Variants in YY1AP1 observed in about 807,000 individuals in gnomAD.
The protein encoded by YY1AP1 is YY1 associated protein 1, also known as YY1-associated protein 1.
YY1AP1 carries 43 observed loss-of-function variants against 39.9 expected under a neutral mutation model. That is an observed-to-expected ratio of 1.08 (90% confidence interval 0.84 to 1.39). The LOEUF (loss-of-function observed/expected upper bound fraction) is 1.39. YY1AP1 is among the 40% of genes most tolerant of loss of function. The probability of loss-of-function intolerance (pLI) is 0.00; values close to 1 mark genes in which losing one functional copy is unlikely to be tolerated. For missense variants in YY1AP1, 813 were observed against 900.7 expected, an observed-to-expected ratio of 0.90 and a Z score of 1.25; for synonymous variants, 292 against 331.3, an observed-to-expected ratio of 0.88 and a Z score of 1.29.
rs759544915 is a variant in YY1AP1, at chr1:155,670,461, T to C, written c.587A>G (p.Asn196Ser). The C allele has an allele frequency of 1.1e-5, 18 of 1,613,996 alleles. No individual in the cohort carries two copies. Among genetic ancestry groups the C allele is most frequent in the East Asian group, 8.9e-5 (4 of 44,884 alleles). The change falls in exon 8 of 11, where the codon AAT (asparagine) becomes AGT (serine). Residue 196 changes from asparagine (N) to serine (S), a missense_variant. By Grantham distance (46) the Asn-to-Ser change is conservative. This residue lies in a region of YY1AP1 where 31 missense variants were observed against 63.7 expected (regional missense o/e 0.49). Transcript: ENST00000355499. The part of the protein sequence containing the change: ...SPHKTVKKTA[N>S]EFPCLPKQVA... ...TTGCTTTGGCAAACAGGGAAATTCA[T>C]TGGCTATAAGAAAATAAATCTCTGA...
chr1:155,670,549 G>A lies in YY1AP1; in HGVS notation c.584-85C>T, dbSNP rs1266769500. On this transcript the variant is annotated intron_variant, in intron 7 of 10. Coordinates refer to ENST00000355499, the MANE Select transcript of YY1AP1 (RefSeq NM_139119.3). ...CCTGTGAATGCATTTTTGCATTTAGGTAGAGCTGTCCTTATCTAACTTGAT... is the reference window on the plus strand; with the variant it reads ...CCTGTGAATGCATTTTTGCATTTAGATAGAGCTGTCCTTATCTAACTTGAT... 3.4e-6 allele frequency: 5 copies of A among 1,459,336 alleles called. No individual in the cohort carries two copies. The African/African-American group carries it at 5.6e-5, about 16-fold the overall frequency. 90.4% of individuals were successfully genotyped at this position (1,459,336 alleles called of 1,614,324 possible). A position where few individuals can be genotyped will look rare whatever the true frequency, so the allele number is the denominator to read the frequency against.
At chr1:155,688,261 G>C (rs781259969) in intron 1 of YY1AP1, 60 bp from the exon 2 acceptor site, 1 of 1,603,276 alleles carries the variant, frequency 6.2e-7, no homozygotes, top group South Asian at 1.1e-5. Context: ...CAAACTGAGA[G>C]GAGGCGGATC....
chr1:155,673,778 C>T (rs372891184), intron 6 of YY1AP1, among the ~76,000 whole-genome samples: 1 of 152,026 alleles, frequency 6.6e-6, no homozygotes, highest in Non-Finnish European at 1.5e-5. Context: ...GTCTCAAACT[C>T]CTGGGCTCAA....
chr1:155,688,601 T>C, intron 1 of YY1AP1, 58 bp downstream of exon 1: 1 of 1,535,724 alleles, frequency 6.5e-7, no homozygotes, highest in Non-Finnish European at 8.7e-7. Context: ...CCTCGCCCAG[T>C]TCTCCACTCC....
At chr1:155,685,714 A>G (rs911261272) in intron 2 of YY1AP1, among the ~76,000 whole-genome samples, 8 of 152,198 alleles carry the variant, frequency 5.3e-5, no homozygotes. Context: ...ACACCCGAAC[A>G]ATGAAAATGA....
intron 3 of YY1AP1, 146 bp from the exon 4 acceptor site, chr1:155,679,658 C>T (rs1053764058): frequency 1.3e-6 from 2 of 1,524,656 alleles, no homozygotes; most frequent in Non-Finnish European, 1.8e-6. Context: ...TTTCTCACTT[C>T]AGGACTCCTA....
At chr1:155,661,903 G>A (rs894991293) in intron 9 of YY1AP1, among the ~76,000 whole-genome samples, 11 of 152,042 alleles carry the variant, frequency 7.2e-5, no homozygotes, top group Admixed American at 5.2e-4. Context: ...TGATCCACCC[G>A]CCTCGGCCTC....
chr1:155,659,941 G>A lies in YY1AP1; in HGVS notation c.1969C>T (p.Pro657Ser). The change falls in exon 11 of 11, where the codon CCC becomes TCC. Residue 657 changes from proline to serine, a missense_variant. Coordinates refer to ENST00000355499, the MANE Select transcript of YY1AP1 (RefSeq NM_139119.3). ...DGENAFQGLE[P>S]KLEPQELSPL... ...GATAGTTCCTGGGGCTCTAATTTGG[G>A]TTCTAGGCCCTGAAAGGCATTTTCC... 1 of 1,614,182 alleles carries A rather than the reference G, an allele frequency of 6.2e-7. No individual in the cohort carries two copies. The highest frequency in any genetic ancestry group is 8.5e-7 in the Non-Finnish European group (1 of 1,180,040).
At chr1:155,679,234 C>G in intron 4 of YY1AP1, 175 bp downstream of exon 4, 1 of 1,531,052 alleles carries the variant, frequency 6.5e-7, no homozygotes, top group East Asian at 2.5e-5. Flanking sequence ...TACAGCTGCA[C>G]TGCCCCATAA....
At position 155,670,451 on chromosome 1, in the gene YY1AP1, G is replaced by A. The variant is rs770808272; in HGVS notation, c.597C>T (p.Pro199=). Residue 199 remains proline, a synonymous_variant, in exon 8 of 11, where the codon CCC becomes CCT. Coordinates refer to ENST00000355499, the MANE Select transcript of YY1AP1 (RefSeq NM_139119.3). The part of the protein sequence containing the change: ...KTVKKTANEF[P]CLPKQVAWIL... ...TCCAAGCCACTTGCTTTGGCAAACAGGGAAATTCATTGGCTATAAGAAAAT... is the reference window on the plus strand; with the variant it reads ...TCCAAGCCACTTGCTTTGGCAAACAAGGAAATTCATTGGCTATAAGAAAAT... The A allele has an allele frequency of 1.7e-5, 28 of 1,613,970 alleles. No individual in the cohort carries two copies. The highest frequency in any genetic ancestry group is 2.3e-5 in the Non-Finnish European group (27 of 1,180,028).
chr1:155,664,264 GTAT>G (rs1165978246), intron 9 of YY1AP1, among the ~76,000 whole-genome samples: 1 of 152,056 alleles, frequency 6.6e-6, no homozygotes, highest in Non-Finnish European at 1.5e-5. Flanking sequence ...ACAGAGGAGA[GTAT>G]TATTTTTTCC....
chr1:155,680,258 T>C, intron 3 of YY1AP1, 158 bp downstream of exon 3: 1 of 725,350 alleles, frequency 1.4e-6, no homozygotes, highest in South Asian at 1.8e-5. Context: ...GTCTAGCAGT[T>C]AGCAAATTTC....
rs1419326673 is a variant in YY1AP1, at chr1:155,676,671, C to T, written c.201G>A (p.Met67Ile). The change falls in exon 5 of 11, where the codon ATG becomes ATA. Residue 67 changes from methionine (M) to isoleucine (I), a missense_variant. By Grantham distance (10) the Met-to-Ile change is conservative. Around this residue, in one of 3 missense-constraint regions of YY1AP1, gnomAD observed 196 missense variants for 189.7 expected, o/e 1.03. Coordinates refer to ENST00000355499, the MANE Select transcript of YY1AP1 (RefSeq NM_139119.3). ...TCTGCTGTTTGGCTGAAGGTTTCTTCATCTTCAGCTGTTCAAATAGTTCCT... is the reference window on the plus strand; with the variant it reads ...TCTGCTGTTTGGCTGAAGGTTTCTTTATCTTCAGCTGTTCAAATAGTTCCT... Reference protein sequence around the residue: ...IAKELFEQLKMKKPSAKQQKE... With the variant: ...IAKELFEQLKIKKPSAKQQKE... The T allele has an allele frequency of 3.1e-6, 5 of 1,614,182 alleles. No homozygotes were observed. The highest frequency in any genetic ancestry group is 4.2e-6 in the Non-Finnish European group (5 of 1,180,036).
At chr1:155,685,382 T>A (rs1304235093) in intron 2 of YY1AP1, among the ~76,000 whole-genome samples, 4 of 152,220 alleles carry the variant, frequency 2.6e-5, no homozygotes, top group Non-Finnish European at 5.9e-5. Context: ...TAATTATCTT[T>A]GTGTCTCCTG....
In YY1AP1 at chr1:155,678,347, A is replaced by C. The variant is rs548659953; in HGVS notation, c.125+1062T>G. On this transcript the variant is annotated intron_variant, in intron 4 of 10. Transcript: ENST00000355499. ...ATGAGATGATATATGACTATATTCC[A>C]TTGAATACCAGAAGGTAACTGGATT... Among the ~76,000 whole-genome samples the C allele has an allele frequency of 3.9e-5, 6 of 152,366 alleles. No homozygotes were observed. The South Asian group carries it at 1.2e-3, about 32-fold the overall frequency.
rs369888005 is a variant in YY1AP1 at position 155,661,326 on chromosome 1, C to T, written c.977G>A (p.Arg326Gln). Residue 326 changes from arginine (R) to glutamine (Q), a missense_variant, in exon 10 of 11, where the codon CGG (arginine) becomes CAG (glutamine). Arg to Gln is a conservative substitution (Grantham distance 43). This residue lies in a region of YY1AP1 where 586 missense variants were observed against 647.4 expected (regional missense o/e 0.91). Transcript: ENST00000355499. ...CTGTACCTTTAACCAGAATGGGAGC[C>T]GGTGTTCTTCTCTCTCTATAGGTGG... The part of the protein sequence containing the change: ...WKPPIEREEH[R>Q]LPFWLKASLP... 24 of 1,613,830 alleles carry T rather than the reference C, an allele frequency of 1.5e-5. No homozygotes were observed. Among genetic ancestry groups the T allele is most frequent in the Non-Finnish European group, 1.8e-5 (21 of 1,179,822 alleles).
intron 9 of YY1AP1, among the ~76,000 whole-genome samples, chr1:155,662,420 G>T (rs1023208483): frequency 6.6e-6 from 1 of 151,824 alleles, no homozygotes; most frequent in Admixed American, 6.6e-5. Context: ...GAACCTGGCA[G>T]TGGGGGTGGT....
chr1:155,670,502 G>GA, intron 7 of YY1AP1, 38 bp from the exon 8 acceptor site: 2 of 1,607,488 alleles, frequency 1.2e-6, no homozygotes, highest in Non-Finnish European at 1.7e-6. Context: ...CAACTTCTAG[G>GA]AAAAAAGAGG....
In YY1AP1 at chr1:155,682,176, T is replaced by C. The variant is rs192189595; in HGVS notation, c.-20-1720A>G. ...AGTTCTGACTCTTGTTCTACAAATA[T>C]TCAAAGTCGAAATGATTATCATGTT... On this transcript the variant is annotated intron_variant, in intron 2 of 10. Coordinates refer to ENST00000355499, the MANE Select transcript of YY1AP1 (RefSeq NM_139119.3). Among the ~76,000 whole-genome samples, 5 of 152,312 alleles carry C rather than the reference T, an allele frequency of 3.3e-5. No individual in the cohort carries two copies. In the East Asian group the frequency reaches 9.6e-4, roughly 29 times the overall value.
Sources: gnomAD v4.1 joint callset for allele counts (sites outside exome capture counted in the v4.1 genomes callset) on GRCh38, gnomAD v4.1.1 for gene constraint, gnomAD v4.1.1 regional missense constraint, MANE v1.5 for transcripts, NCBI Gene and HGNC (gene_info 2026-07-23, HGNC 2026-07-21) for gene names.